The following ARL8B variants were observed in gnomAD, a reference collection of about 807,000 sequenced individuals.
ARL8B encodes the protein ARF like GTPase 8B.
Under a neutral mutation model 30.6 loss-of-function variants are expected in ARL8B, and 9 were observed. That is an observed-to-expected ratio of 0.29 (90% CI 0.18 to 0.51). The LOEUF (loss-of-function observed/expected upper bound fraction) is 0.51. Among genes scored for constraint, ARL8B ranks in the 20% least tolerant of loss-of-function variants. The pLI, the probability that ARL8B is intolerant of heterozygous loss-of-function variation, is 0.97. For synonymous variants in ARL8B, 74 were observed against 76.0 expected, an observed-to-expected ratio of 0.97 and a Z score of 0.14; for missense variants, 130 against 227.2, an observed-to-expected ratio of 0.57 and a Z score of 2.75.
chr3:5,125,429 A>G (rs563706338), intron 1 of ARL8B, among the ~76,000 whole-genome samples: 3 of 151,936 alleles, frequency 2.0e-5, no homozygotes, highest in Admixed American at 6.6e-5. Flanking sequence ...TAATCGCATC[A>G]TGTGTTCCCC....
rs533739716 is a variant in ARL8B at position 5,160,276 on chromosome 3, A to T, written c.124-10227A>T. ...CAATGTTTCTGAATATTTGAGTGAA[A>T]CTGCTGGTTGGTTGACAAGGGATAC... On this transcript the variant is annotated intron_variant, in intron 1 of 6. Transcript: ENST00000256496. Among the ~76,000 whole-genome samples the T allele has an allele frequency of 2.0e-5, 3 of 152,298 alleles. No homozygotes were observed. In the East Asian group the frequency reaches 5.8e-4, roughly 29 times the overall value.
intron 1 of ARL8B, among the ~76,000 whole-genome samples, chr3:5,137,684 C>T (rs775979164): frequency 3.3e-5 from 5 of 152,122 alleles, no homozygotes; most frequent in African/African-American, 7.2e-5. Flanking sequence ...ATGATCCACC[C>T]GCCTTGGCCT....
At chr3:5,138,319 G>C (rs1406898790) in intron 1 of ARL8B, among the ~76,000 whole-genome samples, 1 of 151,396 alleles carries the variant, frequency 6.6e-6, no homozygotes, top group Non-Finnish European at 1.5e-5. Flanking sequence ...TACAAATAAT[G>C]ACTCTCGTTC....
At chr3:5,133,909 TG>T (rs2054304363) in intron 1 of ARL8B, among the ~76,000 whole-genome samples, 1 of 152,124 alleles carries the variant, frequency 6.6e-6, no homozygotes, top group Non-Finnish European at 1.5e-5. Flanking sequence ...CATTCCAGCC[TG>T]GGCGACAGAG....
chr3:5,153,692 T>G (rs1402321297), intron 1 of ARL8B, among the ~76,000 whole-genome samples: 1 of 152,232 alleles, frequency 6.6e-6, no homozygotes, highest in African/African-American at 2.4e-5. Context: ...GAGAAGAGTT[T>G]ATTATATTTA....
At chr3:5,138,368 C>T (rs1001642757) in intron 1 of ARL8B, among the ~76,000 whole-genome samples, 1 of 152,098 alleles carries the variant, frequency 6.6e-6, no homozygotes, top group African/African-American at 2.4e-5. Context: ...TGAGGCATTA[C>T]ACTAAAGTGG....
Position 5,147,820 on chromosome 3 carries a change from G to A in ARL8B, c.124-22683G>A, listed in dbSNP as rs149509987. ...AAGGCCTTGCCCTACTGGGTCCTCC[G>A]GATCTAATTTTCTCATGTGATTTTT... On this transcript the variant is annotated intron_variant, in intron 1 of 6. Coordinates refer to ENST00000256496, the MANE Select transcript of ARL8B (RefSeq NM_018184.3). Among the ~76,000 whole-genome samples the A allele has an allele frequency of 9.3e-5, 14 of 151,318 alleles. No homozygotes were observed. In the East Asian group the frequency reaches 1.9e-3, roughly 21 times the overall value.
At chr3:5,156,042 A>AC (rs1239081710) in intron 1 of ARL8B, among the ~76,000 whole-genome samples, 4 of 152,006 alleles carry the variant, frequency 2.6e-5, no homozygotes. Flanking sequence ...AGCCAAGACT[A>AC]CAGGTGCGCA....
chr3:5,131,201 G>A (rs951436076), intron 1 of ARL8B, among the ~76,000 whole-genome samples: 9 of 150,748 alleles, frequency 6.0e-5, no homozygotes, highest in South Asian at 4.2e-4. Flanking sequence ...CACCGTGCCC[G>A]GCCACCATTT....
In ARL8B at chr3:5,178,879, A is replaced by G. The variant is rs1378784806; in HGVS notation, c.*166A>G. 1 of 1,239,136 alleles carries G rather than the reference A, an allele frequency of 8.1e-7. No individual in the cohort carries two copies. Among genetic ancestry groups the G allele is most frequent in the East Asian group, 2.7e-5 (1 of 37,228 alleles). 76.8% of individuals were successfully genotyped at this position (1,239,136 alleles called of 1,614,324 possible). A position where few individuals can be genotyped will look rare whatever the true frequency, so the allele number is the denominator to read the frequency against. ...TGAAGATGAATATCCCTAATCCTTC[A>G]TAAAGAATCAGCTAGAGTTGTCATG... On this transcript the variant is annotated 3_prime_UTR_variant, in exon 7 of 7. Coordinates refer to ENST00000256496, the MANE Select transcript of ARL8B (RefSeq NM_018184.3).
rs185333680 is a variant in ARL8B at position 5,173,792 on chromosome 3, A to T, written c.373-225A>T. ...ATAGACTCAGACTATTTTACATAGCAGTTGGCAGCCACATACTGAATTAAG... is the reference window on the plus strand; with the variant it reads ...ATAGACTCAGACTATTTTACATAGCTGTTGGCAGCCACATACTGAATTAAG... On this transcript the variant is annotated intron_variant, in intron 4 of 6. Transcript: ENST00000256496. Among the ~76,000 whole-genome samples, 166 of 152,372 alleles carry T rather than the reference A, an allele frequency of 1.1e-3. 1 individual carries two copies. Among genetic ancestry groups the T allele is most frequent in the African/African-American group, 3.9e-3 (163 of 41,596 alleles).
intron 1 of ARL8B, among the ~76,000 whole-genome samples, chr3:5,134,118 A>G (rs1207800435): frequency 6.6e-6 from 1 of 152,240 alleles, no homozygotes; most frequent in East Asian, 1.9e-4. Context: ...TAAGAGATAC[A>G]GGAAGTAGTT....
chr3:5,164,288 A>C (rs2054606033), intron 1 of ARL8B, among the ~76,000 whole-genome samples: 1 of 152,158 alleles, frequency 6.6e-6, no homozygotes. Flanking sequence ...TCTGTTCATG[A>C]ATTTTACTAT....
chr3:5,162,638 A>G (rs886160810), intron 1 of ARL8B, among the ~76,000 whole-genome samples: 1 of 152,338 alleles, frequency 6.6e-6, no homozygotes, highest in African/African-American at 2.4e-5. Context: ...TTAGTTTAAA[A>G]TTTTTGCACG....
chr3:5,138,565 A>G (rs949522150), intron 1 of ARL8B, among the ~76,000 whole-genome samples: 2 of 152,208 alleles, frequency 1.3e-5, no homozygotes, highest in African/African-American at 4.8e-5. Context: ...AGCCAATTAC[A>G]TATGGCTTAG....
chr3:5,156,312 T>G lies in ARL8B; in HGVS notation c.124-14191T>G, dbSNP rs192796286. Among the ~76,000 whole-genome samples the G allele has an allele frequency of 4.2e-3, 634 of 152,304 alleles. 19 individuals are homozygous for G. The highest frequency in any genetic ancestry group is 0.01 in the East Asian group (54 of 5,192). On this transcript the variant is annotated intron_variant, in intron 1 of 6. Transcript: ENST00000256496. ...TCTTTTATGCTTTGTGATTTTTTTTTGTTGAAAACTGGAAATTTGAATCTA... is the reference window on the plus strand; with the variant it reads ...TCTTTTATGCTTTGTGATTTTTTTTGGTTGAAAACTGGAAATTTGAATCTA...
chr3:5,164,102 A>G (rs557063926), intron 1 of ARL8B, among the ~76,000 whole-genome samples: 142 of 152,196 alleles, frequency 9.3e-4, no homozygotes, highest in African/African-American at 3.3e-3. Context: ...CCCACCCCCT[A>G]TATATTAGGT....
intron 1 of ARL8B, among the ~76,000 whole-genome samples, chr3:5,133,197 A>T (rs559298846): frequency 7.0e-6 from 1 of 143,042 alleles, no homozygotes; most frequent in Non-Finnish European, 1.5e-5. Flanking sequence ...TAGTGAAGGA[A>T]AAAGAAACAA....
Position 5,180,652 on chromosome 3 carries a change from T to C in ARL8B, c.*1939T>C, listed in dbSNP as rs1368495506. ...AAAACTTTTAACAGTTACTGAACTA[T>C]GTAAATATGTGAATTTTTTTATTTA... On this transcript the variant is annotated 3_prime_UTR_variant, in exon 7 of 7. Transcript: ENST00000256496. 6.5e-6 allele frequency: 1 copy of C among 152,698 alleles called. No homozygotes were observed. The highest frequency in any genetic ancestry group is 6.5e-5 in the Admixed American group (1 of 15,288). The allele number at this position is 152,698 out of a possible 1,614,324, so 9.5% of individuals were successfully genotyped here.
Sources: gnomAD v4.1 joint callset for allele counts (sites outside exome capture counted in the v4.1 genomes callset) on GRCh38, gnomAD v4.1.1 for gene constraint, MANE v1.5 for transcripts, NCBI Gene and HGNC (gene_info 2026-07-23, HGNC 2026-07-21) for gene names.